CACNA2D4: variants seen among roughly 807,000 people sequenced by gnomAD.
CACNA2D4 encodes the protein calcium voltage-gated channel auxiliary subunit alpha2delta 4, also known as voltage-dependent calcium channel subunit alpha-2/delta-4.
A neutral mutation model predicts 163.8 loss-of-function variants in CACNA2D4; 157 were observed. That is an observed-to-expected ratio of 0.96 (90% CI 0.84 to 1.09). The LOEUF is 1.09. Ranked by LOEUF, CACNA2D4 falls within the 50% of genes least tolerant of loss-of-function variation. The probability of loss-of-function intolerance (pLI) is 0.00; values close to 1 mark genes in which losing one functional copy is unlikely to be tolerated. For synonymous variants in CACNA2D4, 598 were observed against 586.9 expected (o/e 1.02, Z -0.27); for missense variants, 1,410 against 1,479.9 (o/e 0.95, Z 0.78).
chr12:1,918,607 C>T lies in CACNA2D4; in HGVS notation c.-134G>A. ...CTCTCTGCCCCACAGCTGCAGCTCA[C>T]AGAAGAGTCGCCCCACCTAGCAAGC... On this transcript the variant is annotated 5_prime_UTR_variant, in exon 1 of 38. It adds an upstream start codon to the 5' untranslated region. Transcript: ENST00000382722. The T allele has an allele frequency of 1.5e-6, 1 of 661,120 alleles. No homozygotes were observed. Among genetic ancestry groups the T allele is most frequent in the Admixed American group, 3.1e-5 (1 of 32,312 alleles). The allele number at this position is 661,120 out of a possible 1,614,324, so 41.0% of individuals were successfully genotyped here. A position where few individuals can be genotyped will look rare whatever the true frequency, so the allele number is the denominator to read the frequency against.
In CACNA2D4 at chr12:1,867,057, A is replaced by G. The variant is rs558742457; in HGVS notation, c.1879-6851T>C. 5.9e-5 allele frequency among the ~76,000 whole-genome samples: 9 copies of G among 152,212 alleles called. No homozygotes were observed. In the South Asian group the frequency reaches 1.7e-3, roughly 28 times the overall value. ...ACGATGTTATTTTGTTGGTTCTTATATACAGCAGTCTTATTGTTTCCCTTT... is the reference window on the plus strand; with the variant it reads ...ACGATGTTATTTTGTTGGTTCTTATGTACAGCAGTCTTATTGTTTCCCTTT... On this transcript the variant is annotated intron_variant, in intron 18 of 37. Transcript: ENST00000382722.
rs552679590 is a variant in CACNA2D4, at chr12:1,800,516, C to T, written c.2869-78G>A. On this transcript the variant is annotated intron_variant, in intron 31 of 37. Transcript: ENST00000382722. ...CCCCCCCCCCACCACCAGCACCACC[C>T]TCAGAGAGACCAGAGAGTGGGCTGC... 97 of 1,443,320 alleles carry T rather than the reference C, an allele frequency of 6.7e-5. No individual in the cohort carries two copies. The South Asian group carries it at 9.0e-4, about 13-fold the overall frequency. The allele number at this position is 1,443,320 out of a possible 1,614,324, so 89.4% of individuals were successfully genotyped here.
chr12:1,896,652 C>CAAA (rs1184831451), intron 6 of CACNA2D4, among the ~76,000 whole-genome samples: 2 of 117,184 alleles, frequency 1.7e-5, no homozygotes, highest in African/African-American at 6.3e-5. Flanking sequence ...CACACACACA[C>CAAA]ACAAAACAGA....
At position 1,907,493 on chromosome 12, in the gene CACNA2D4, G is replaced by GT; in HGVS notation, c.727dup (p.Thr243AsnfsTer25). On this transcript the variant is annotated frameshift_variant, in exon 6 of 38. Coordinates refer to ENST00000382722, the MANE Select transcript of CACNA2D4 (RefSeq NM_172364.5). LOFTEE classifies it high-confidence loss of function. ...ACTGCCAAAATATTGCCAGGTCAAC[G>GT]TTGGGTCTCTCTGGAAGTTCTCCAC... The GT allele has an allele frequency of 6.2e-7, 1 of 1,613,836 alleles. No homozygotes were observed.
rs1029384839 is a variant in CACNA2D4 at position 1,799,450 on chromosome 12, G to T, written c.2995+225C>A. Among the ~76,000 whole-genome samples, 3 of 152,208 alleles carry T rather than the reference G, an allele frequency of 2.0e-5. No homozygotes were observed. Among genetic ancestry groups the T allele is most frequent in the African/African-American group, 7.2e-5 (3 of 41,450 alleles). The stretch of plus-strand genomic sequence containing the variant: ...TCTTACGTGTTCTCACCCAAGGGGA[G>T]GCTGGAGTTTCTCATTTTCCCTGGG... On this transcript the variant is annotated intron_variant, in intron 34 of 37. Transcript: ENST00000382722. The surrounding 1 kb of genome is among the most constrained non-coding windows in gnomAD (Gnocchi z 4.7).
chr12:1,828,529 G>C lies in CACNA2D4; in HGVS notation c.2551+12210C>G, dbSNP rs992869862. 6.6e-6 allele frequency among the ~76,000 whole-genome samples: 1 copy of C among 152,240 alleles called. No homozygotes were observed. The highest frequency in any genetic ancestry group is 2.4e-5 in the African/African-American group (1 of 41,456). On this transcript the variant is annotated intron_variant, in intron 26 of 37. Transcript: ENST00000382722. The surrounding 1 kb of genome is among the most constrained non-coding windows in gnomAD (Gnocchi z 4.2). ...CCCCAACAGGAGAAGAGCTCTGCTG[G>C]AATGCAGGCCTGCTGAGTCTTAAAC...
In CACNA2D4 at chr12:1,843,875, G is replaced by A. The variant is rs1182868015; in HGVS notation, c.2470+527C>T. Among the ~76,000 whole-genome samples the A allele has an allele frequency of 6.6e-6, 1 of 152,104 alleles. No individual in the cohort carries two copies. The highest frequency in any genetic ancestry group is 1.5e-5 in the Non-Finnish European group (1 of 68,018). ...ACCTGCCTGGCACAGCCTCTCTCTTGAGCTGAGAGGGGCTTGTGGAGAAGG... is the reference window on the plus strand; with the variant it reads ...ACCTGCCTGGCACAGCCTCTCTCTTAAGCTGAGAGGGGCTTGTGGAGAAGG... On this transcript the variant is annotated intron_variant, in intron 25 of 37. Coordinates refer to ENST00000382722, the MANE Select transcript of CACNA2D4 (RefSeq NM_172364.5). This position sits in a 1 kb window ranked among gnomAD's most constrained non-coding sequence, Gnocchi z 4.6.
chr12:1,799,738 GA>G lies in CACNA2D4; in HGVS notation c.2975-44del. 6.4e-7 allele frequency: 1 copy of G among 1,563,244 alleles called. No individual in the cohort carries two copies. Among genetic ancestry groups the G allele is most frequent in the Non-Finnish European group, 8.7e-7 (1 of 1,154,022 alleles). On this transcript the variant is annotated intron_variant, in intron 33 of 37. Transcript: ENST00000382722. The surrounding 1 kb of genome is among the most constrained non-coding windows in gnomAD (Gnocchi z 4.7). ...CCAGCACAGGGTGGACACGGCACAG[GA>G]AAACATGGTGGCACATGAGGGCAGG...
In CACNA2D4 at chr12:1,800,441, G is replaced by T; in HGVS notation, c.2869-3C>A. The T allele has an allele frequency of 6.2e-7, 1 of 1,613,868 alleles. No homozygotes were observed. Among genetic ancestry groups the T allele is most frequent in the Non-Finnish European group, 8.5e-7 (1 of 1,179,836 alleles). On this transcript the variant is annotated splice_polypyrimidine_tract_variant and splice_region_variant and intron_variant, in intron 31 of 37. Coordinates refer to ENST00000382722, the MANE Select transcript of CACNA2D4 (RefSeq NM_172364.5). ...GCCGTCAAGAAGGCAGAAATTGGCT[G>T]GGAAGGAGAGAGTGCACACCGCTCG...
At chr12:1,840,599 G>T in intron 26 of CACNA2D4, 140 bp downstream of exon 26, 1 of 651,042 alleles carries the variant, frequency 1.5e-6, no homozygotes. Context: ...CTTAGGAAGA[G>T]TGCACTTCCA....
intron 6 of CACNA2D4, among the ~76,000 whole-genome samples, chr12:1,897,806 A>T (rs1417338096): frequency 6.6e-6 from 1 of 152,212 alleles, no homozygotes; most frequent in Non-Finnish European, 1.5e-5. Flanking sequence ...AATAAGGATC[A>T]AGCAAATATA....
chr12:1,824,013 G>T (rs1864217676), intron 26 of CACNA2D4, among the ~76,000 whole-genome samples: 1 of 152,210 alleles, frequency 6.6e-6, no homozygotes, highest in African/African-American at 2.4e-5. Context: ...CATTTCTGGT[G>T]CCTCAGTTTC....
intron 34 of CACNA2D4, chr12:1,797,736 T>G: frequency 1.7e-6 from 1 of 605,166 alleles, no homozygotes; most frequent in Non-Finnish European, 2.9e-6. Context: ...GAGGGTGGCT[T>G]GGCACGGGGA....
Position 1,856,007 on chromosome 12 carries a change from C to G in CACNA2D4, c.2152+5G>C, listed in dbSNP as rs770672605. ...AGCTTGCCTCAGTGGGCGGCCAGCACTCACACTCCAGGTCTGGGTCCTTCC... is the reference window on the plus strand; with the variant it reads ...AGCTTGCCTCAGTGGGCGGCCAGCAGTCACACTCCAGGTCTGGGTCCTTCC... On this transcript the variant is annotated splice_donor_5th_base_variant and intron_variant, in intron 22 of 37. Coordinates refer to ENST00000382722, the MANE Select transcript of CACNA2D4 (RefSeq NM_172364.5). 6.2e-7 allele frequency: 1 copy of G among 1,612,300 alleles called. No individual in the cohort carries two copies. The highest frequency in any genetic ancestry group is 8.5e-7 in the Non-Finnish European group (1 of 1,178,422).
At chr12:1,893,848 T>C (rs564536562) in intron 6 of CACNA2D4, among the ~76,000 whole-genome samples, 2 of 151,824 alleles carry the variant, frequency 1.3e-5, no homozygotes, top group South Asian at 4.2e-4. Flanking sequence ...CTCAAGGAAA[T>C]ATAAAAGCAA....
intron 26 of CACNA2D4, among the ~76,000 whole-genome samples, chr12:1,814,431 G>A (rs967759551): frequency 1.3e-5 from 2 of 152,182 alleles, no homozygotes; most frequent in Non-Finnish European, 2.9e-5. Context: ...CATGTCATCT[G>A]CCCTTGGGTC....
At position 1,846,550 on chromosome 12, in the gene CACNA2D4, T is replaced by C. The variant is rs555530155; in HGVS notation, c.2342+44A>G. On this transcript the variant is annotated intron_variant, in intron 24 of 37. Coordinates refer to ENST00000382722, the MANE Select transcript of CACNA2D4 (RefSeq NM_172364.5). ...CACACCATGGGACTCTGGCCCTCTC[T>C]GCCCTGCAGGGATTGCCCTCCCGAG... The C allele has an allele frequency of 2.0e-5, 29 of 1,481,056 alleles. No homozygotes were observed. In the East Asian group the frequency reaches 6.4e-4, roughly 32 times the overall value. The allele number at this position is 1,481,056 out of a possible 1,614,324, so 91.7% of individuals were successfully genotyped here.
rs1864727628 is a variant in CACNA2D4 at position 1,833,646 on chromosome 12, G to A, written c.2551+7093C>T. On this transcript the variant is annotated intron_variant, in intron 26 of 37. Coordinates refer to ENST00000382722, the MANE Select transcript of CACNA2D4 (RefSeq NM_172364.5). This position sits in a 1 kb window ranked among gnomAD's most constrained non-coding sequence, Gnocchi z 4.2. ...GGATTGCTCCTAAGGAGGAGAAGGA[G>A]AACATTCCTGCCCAACTCTTTTCCT... Among the ~76,000 whole-genome samples, 1 of 152,214 alleles carries A rather than the reference G, an allele frequency of 6.6e-6. No individual in the cohort carries two copies. Among genetic ancestry groups the A allele is most frequent in the African/African-American group, 2.4e-5 (1 of 41,430 alleles).
intron 37 of CACNA2D4, among the ~76,000 whole-genome samples, 151 bp from the exon 38 acceptor site, chr12:1,793,910 C>CT (rs1166606127): frequency 6.6e-6 from 1 of 152,198 alleles, no homozygotes; most frequent in African/African-American, 2.4e-5. Context: ...AGGCCCCTAC[C>CT]TTTTGGGGGA....
Sources: gnomAD v4.1 joint callset for allele counts (sites outside exome capture counted in the v4.1 genomes callset) on GRCh38, gnomAD v4.1.1 for gene constraint, Gnocchi (gnomAD v3.1) non-coding constraint, MANE v1.5 for transcripts, NCBI Gene and HGNC (gene_info 2026-07-23, HGNC 2026-07-21) for gene names.